FNDC3A: variants seen among roughly 807,000 people sequenced by gnomAD.
FNDC3A encodes the protein fibronectin type-III domain-containing protein 3A.
A neutral mutation model predicts 148.9 loss-of-function variants in FNDC3A; 32 were observed. The ratio of observed to expected loss-of-function variants is 0.21; its 90% CI spans 0.16 to 0.29. The LOEUF (loss-of-function observed/expected upper bound fraction) is 0.29. Ranked by LOEUF, FNDC3A falls within the 10% of genes least tolerant of loss-of-function variation. The pLI, the probability that FNDC3A is intolerant of heterozygous loss-of-function variation, is 1.00. For missense variants in FNDC3A, 1,191 were observed against 1,452.8 expected, an observed-to-expected ratio of 0.82 and a Z score of 2.93; for synonymous variants, 472 against 473.6, an observed-to-expected ratio of 1.00 and a Z score of 0.04.
At chr13:49,135,740 A>T (rs920571780) in intron 5 of FNDC3A, among the ~76,000 whole-genome samples, 1 of 152,220 alleles carries the variant, frequency 6.6e-6, no homozygotes, top group Non-Finnish European at 1.5e-5. Flanking sequence ...TTATGTTCCT[A>T]TGTGACTTTT....
intron 17 of FNDC3A, 44 bp from the exon 18 acceptor site, chr13:49,190,971 G>A (rs764724653): frequency 2.7e-5 from 36 of 1,320,128 alleles, no homozygotes; most frequent in Non-Finnish European, 3.7e-5. Flanking sequence ...CTGATTATTT[G>A]GTTTTGGGGC....
In FNDC3A at chr13:49,009,144, C is replaced by T. The variant is rs990328911; in HGVS notation, c.99+2855C>T. On this transcript the variant is annotated intron_variant, in intron 2 of 25. Transcript: ENST00000492622. ...TCACCTTTTCATTCTTCCTTTACTCCCCCCAAATCCTTGGCAACCACTGAT... is the reference window on the plus strand; with the variant it reads ...TCACCTTTTCATTCTTCCTTTACTCTCCCCAAATCCTTGGCAACCACTGAT... 2.0e-5 allele frequency among the ~76,000 whole-genome samples: 3 copies of T among 152,128 alleles called. No homozygotes were observed. In the South Asian group the frequency reaches 6.2e-4, roughly 32 times the overall value.
intron 4 of FNDC3A, among the ~76,000 whole-genome samples, chr13:49,117,112 G>A (rs974198751): frequency 5.3e-5 from 8 of 152,136 alleles, no homozygotes; most frequent in Admixed American, 2.6e-4. Flanking sequence ...CAAGTATATA[G>A]CCTGTCATAT....
intron 3 of FNDC3A, among the ~76,000 whole-genome samples, chr13:49,109,135 A>C (rs1268832505): frequency 6.6e-6 from 1 of 152,232 alleles, no homozygotes; most frequent in Non-Finnish European, 1.5e-5. Flanking sequence ...TGTTAGGATT[A>C]AGTGAGTTAA....
At chr13:49,164,272 C>A (rs1884330928) in intron 8 of FNDC3A, among the ~76,000 whole-genome samples, 1 of 152,198 alleles carries the variant, frequency 6.6e-6, no homozygotes, top group Admixed American at 6.5e-5. Flanking sequence ...GATAAGAGTT[C>A]TCTTACAGGT....
chr13:49,018,515 C>CAAA (rs1873013697), intron 2 of FNDC3A, among the ~76,000 whole-genome samples: 1 of 152,248 alleles, frequency 6.6e-6, no homozygotes, highest in Non-Finnish European at 1.5e-5. Context: ...AAACTTTTTT[C>CAAA]AAAGTTTTCA....
intron 4 of FNDC3A, among the ~76,000 whole-genome samples, chr13:49,128,863 C>G (rs1275958224): frequency 6.6e-6 from 1 of 152,224 alleles, no homozygotes; most frequent in Admixed American, 6.5e-5. Flanking sequence ...CAGATTTCTA[C>G]ATAGTTAATT....
chr13:49,040,529 T>G (rs1340918198), intron 2 of FNDC3A, among the ~76,000 whole-genome samples: 2 of 152,204 alleles, frequency 1.3e-5, no homozygotes, highest in African/African-American at 4.8e-5. Context: ...AGTGCAGAAT[T>G]TTTACAAATG....
rs572041082 is a variant in FNDC3A, at chr13:49,146,141, A to C, written c.977+206A>C. ...ACCTTCCTTCAGAATAATCACTTTTATTGGCCACATTCAGCTTTTTTTTTC... is the reference window on the plus strand; with the variant it reads ...ACCTTCCTTCAGAATAATCACTTTTCTTGGCCACATTCAGCTTTTTTTTTC... On this transcript the variant is annotated intron_variant, in intron 8 of 25. Coordinates refer to ENST00000492622, the MANE Select transcript of FNDC3A (RefSeq NM_001079673.2). The C allele has an allele frequency of 1.5e-4, 73 of 482,572 alleles. No individual in the cohort carries two copies. In the South Asian group the frequency reaches 2.0e-3, roughly 13 times the overall value. 29.9% of individuals were successfully genotyped at this position (482,572 alleles called of 1,614,324 possible).
intron 2 of FNDC3A, among the ~76,000 whole-genome samples, chr13:49,035,607 G>A (rs925812117): frequency 3.3e-5 from 5 of 151,892 alleles, no homozygotes; most frequent in Admixed American, 6.6e-5. Context: ...AGACAAATGA[G>A]CCTAAACAGG....
At chr13:49,089,859 A>C (rs1014947711) in intron 3 of FNDC3A, among the ~76,000 whole-genome samples, 3 of 152,216 alleles carry the variant, frequency 2.0e-5, no homozygotes, top group South Asian at 2.1e-4. Flanking sequence ...TGTTTGTTAC[A>C]CAGCAATAAA....
At chr13:49,015,965 G>T (rs1410583350) in intron 2 of FNDC3A, among the ~76,000 whole-genome samples, 22 of 151,644 alleles carry the variant, frequency 1.5e-4, no homozygotes, top group African/African-American at 5.3e-4. Context: ...ACTTGATCAT[G>T]GTGGATAAGC....
intron 9 of FNDC3A, among the ~76,000 whole-genome samples, chr13:49,167,605 C>T (rs891956606): frequency 6.6e-6 from 1 of 151,838 alleles, no homozygotes; most frequent in Non-Finnish European, 1.5e-5. Flanking sequence ...ACTCGGAAGG[C>T]TGAGGTAGGA....
chr13:49,004,132 T>A (rs1952177442), intron 1 of FNDC3A, among the ~76,000 whole-genome samples: 1 of 152,088 alleles, frequency 6.6e-6, no homozygotes, highest in Non-Finnish European at 1.5e-5. Flanking sequence ...AATAAGTGTA[T>A]AACTAAAACT....
chr13:49,168,579 A>G (rs1340235855), intron 9 of FNDC3A, 34 bp from the exon 10 acceptor site: 1 of 1,554,862 alleles, frequency 6.4e-7, no homozygotes, highest in Non-Finnish European at 8.8e-7. Context: ...TACAGTGATT[A>G]TGAAAGGTAA....
chr13:49,189,648 G>C (rs542895407), intron 17 of FNDC3A, among the ~76,000 whole-genome samples: 1 of 152,114 alleles, frequency 6.6e-6, no homozygotes, highest in African/African-American at 2.4e-5. Flanking sequence ...AACTGAGTGT[G>C]AGTCCTGCCC....
chr13:49,113,067 C>G (rs1377128330), intron 3 of FNDC3A, among the ~76,000 whole-genome samples: 4 of 148,292 alleles, frequency 2.7e-5, no homozygotes, highest in African/African-American at 1.0e-4. Flanking sequence ...CTCCCCTCCC[C>G]CTTTCTCCTA....
At chr13:49,084,582 G>T (rs1878683009) in intron 3 of FNDC3A, among the ~76,000 whole-genome samples, 1 of 152,086 alleles carries the variant, frequency 6.6e-6, no homozygotes, top group Non-Finnish European at 1.5e-5. Flanking sequence ...CTCATGATTT[G>T]ACTCTTTGTG....
chr13:49,076,844 T>TA (rs1364201253), intron 3 of FNDC3A, among the ~76,000 whole-genome samples: 1 of 152,242 alleles, frequency 6.6e-6, no homozygotes, highest in Non-Finnish European at 1.5e-5. Flanking sequence ...TTGTATTGTT[T>TA]AACATAAAAT....
Sources: gnomAD v4.1 joint callset for allele counts (sites outside exome capture counted in the v4.1 genomes callset) on GRCh38, gnomAD v4.1.1 for gene constraint, MANE v1.5 for transcripts, NCBI Gene and HGNC (gene_info 2026-07-23, HGNC 2026-07-21) for gene names.